SLC2A8: variants seen among roughly 807,000 people sequenced by gnomAD.
SLC2A8 encodes solute carrier family 2 member 8, also known as solute carrier family 2, facilitated glucose transporter member 8.
SLC2A8 carries 53 observed loss-of-function variants against 49.2 expected under a neutral mutation model. The observed-to-expected ratio is 1.08, with a 90% CI of 0.86 to 1.35. The LOEUF is 1.35. Among genes scored for constraint, SLC2A8 ranks in the 40% most tolerant of loss-of-function variants. SLC2A8 has a pLI of 0.00. For synonymous variants in SLC2A8, 299 were observed against 297.0 expected (o/e 1.01, Z -0.07); for missense variants, 688 against 671.7 (o/e 1.02, Z -0.27).
chr9:127,401,061 C>T (rs1156492298), intron 4 of SLC2A8, among the ~76,000 whole-genome samples: 5 of 152,230 alleles, frequency 3.3e-5, no homozygotes, highest in Non-Finnish European at 5.9e-5. Context: ...CGCCACTGCA[C>T]TCCAGTGTGG....
intron 4 of SLC2A8, among the ~76,000 whole-genome samples, chr9:127,402,108 AG>A (rs1833311567): frequency 6.6e-6 from 1 of 152,216 alleles, no homozygotes; most frequent in African/African-American, 2.4e-5. Context: ...TCCAGTGAAA[AG>A]CTTCCTCCGC....
chr9:127,403,719 C>T lies in SLC2A8; in HGVS notation c.783C>T (p.Val261=), dbSNP rs201241657. Residue 261 remains valine, a synonymous_variant, in exon 6 of 10, where the codon GTC becomes GTT. Transcript: ENST00000373371. ...TCTACAAGCCCTTCATCATCGGCGT[C>T]TCCCTGATGGCCTTCCAGCAGCTGT... ...PGIYKPFIIG[V]SLMAFQQLSG... 1 of 1,613,140 alleles carries T rather than the reference C, an allele frequency of 6.2e-7. No homozygotes were observed. Among genetic ancestry groups the T allele is most frequent in the African/African-American group, 1.3e-5 (1 of 75,034 alleles).
At position 127,407,310 on chromosome 9, in the gene SLC2A8, C is replaced by A. The variant is rs1833527611; in HGVS notation, c.*61C>A. ...TCCAAGCTGGGCCCAAGCCCAGAGC[C>A]CCTGCCTGCCCCAGGGGAGCCAGAA... On this transcript the variant is annotated 3_prime_UTR_variant, in exon 10 of 10. Coordinates refer to ENST00000373371, the MANE Select transcript of SLC2A8 (RefSeq NM_014580.5). 6.3e-7 allele frequency: 1 copy of A among 1,598,708 alleles called. No homozygotes were observed. The highest frequency in any genetic ancestry group is 8.6e-7 in the Non-Finnish European group (1 of 1,168,498).
rs1833544015 is a variant in SLC2A8 at position 127,407,879 on chromosome 9, C to CAAAAAAAAAAAA, written c.*634_*635insAAAAAAAAAAAA. ...TTAAAAAATAAACAGCAAAAAAAAA[C>CAAAAAAAAAAAA]AAAACAAAACAAAAAAAAACACCTT... On this transcript the variant is annotated 3_prime_UTR_variant, in exon 10 of 10. Coordinates refer to ENST00000373371, the MANE Select transcript of SLC2A8 (RefSeq NM_014580.5). The CAAAAAAAAAAAA allele has an allele frequency of 1.2e-5, 1 of 85,626 alleles. No individual in the cohort carries two copies. The highest frequency in any genetic ancestry group is 4.8e-5 in the African/African-American group (1 of 21,010). The allele number at this position is 85,626 out of a possible 1,614,324, so 5.3% of individuals were successfully genotyped here. A position where few individuals can be genotyped will look rare whatever the true frequency, so the allele number is the denominator to read the frequency against.
chr9:127,402,505 A>T, intron 4 of SLC2A8, 52 bp from the exon 5 acceptor site: 9 of 1,453,956 alleles, frequency 6.2e-6, no homozygotes, highest in Non-Finnish European at 8.1e-6. Context: ...GGCAAGGCCC[A>T]GGCTGGCTCA....
At chr9:127,405,635 T>C in intron 9 of SLC2A8, 70 bp downstream of exon 9, 3 of 1,583,206 alleles carry the variant, frequency 1.9e-6, no homozygotes, top group Non-Finnish European at 1.7e-6. Flanking sequence ...ACCACTTGTA[T>C]TGCAGAAGAC....
At chr9:127,404,189 C>T (rs558922949) in intron 7 of SLC2A8, 122 bp downstream of exon 7, 2 of 671,070 alleles carry the variant, frequency 3.0e-6, no homozygotes, top group Non-Finnish European at 5.0e-6. Context: ...CTAATGCGGC[C>T]ATGATTTGAC....
chr9:127,402,548 C>G lies in SLC2A8; in HGVS notation c.527-9C>G. On this transcript the variant is annotated splice_polypyrimidine_tract_variant and intron_variant, in intron 4 of 9. Transcript: ENST00000373371. ...TCTGACGCCAGCCTCCTCCACCCAC[C>G]CCCCGCAGGCTGGGTGCTGGAGTGG... 2 of 1,519,822 alleles carry G rather than the reference C, an allele frequency of 1.3e-6. No homozygotes were observed. The highest frequency in any genetic ancestry group is 8.8e-7 in the Non-Finnish European group (1 of 1,134,802). 94.1% of individuals were successfully genotyped at this position (1,519,822 alleles called of 1,614,324 possible). A position where few individuals can be genotyped will look rare whatever the true frequency, so the allele number is the denominator to read the frequency against.
intron 9 of SLC2A8, 150 bp downstream of exon 9, chr9:127,405,715 G>T: frequency 2.7e-6 from 3 of 1,103,928 alleles, no homozygotes; most frequent in Non-Finnish European, 3.9e-6. Context: ...TGGGCAAGGC[G>T]ACGTGGAGGC....
At chr9:127,404,283 C>A in intron 7 of SLC2A8, 2 of 480,918 alleles carry the variant, frequency 4.2e-6, no homozygotes, top group South Asian at 3.1e-5. Context: ...TGTGGTGAAC[C>A]CACCAGAAGG....
chr9:127,406,022 A>G (rs1833479388), intron 9 of SLC2A8: 1 of 520,142 alleles, frequency 1.9e-6, no homozygotes, highest in Non-Finnish European at 3.8e-6. Flanking sequence ...GCATTAATTC[A>G]GTTCATCCTG....
rs766195136 is a variant in SLC2A8 at position 127,399,918 on chromosome 9, C to T, written c.438C>T (p.Ser146=). The T allele has an allele frequency of 5.0e-6, 8 of 1,613,410 alleles. No individual in the cohort carries two copies. The highest frequency in any genetic ancestry group is 2.2e-5 in the East Asian group (1 of 44,860). Residue 146 remains serine, a synonymous_variant, in exon 4 of 10, where the codon TCC becomes TCT. Transcript: ENST00000373371. The surrounding 1 kb of genome is among the most constrained non-coding windows in gnomAD (Gnocchi z 4.2). Reference sequence around the variant, plus strand: ...CTGATTGCTGGCAGGTCTACATCTCCGAAATCGCCTACCCAGCAGTCCGGG... The same window carrying T: ...CTGATTGCTGGCAGGTCTACATCTCTGAAATCGCCTACCCAGCAGTCCGGG... The part of the protein sequence containing the change: ...VASLVAPVYI[S]EIAYPAVRGL...
intron 5 of SLC2A8, 110 bp from the exon 6 acceptor site, chr9:127,403,550 C>A: frequency 7.6e-7 from 1 of 1,310,956 alleles, no homozygotes; most frequent in Non-Finnish European, 1.1e-6. Context: ...GATGAGGAGC[C>A]AAGACGTGGG....
intron 2 of SLC2A8, among the ~76,000 whole-genome samples, 162 bp downstream of exon 2, chr9:127,397,700 A>G (rs961121746): frequency 1.4e-5 from 2 of 142,052 alleles, no homozygotes; most frequent in Non-Finnish European, 3.1e-5. Flanking sequence ...TCTGCCCCCC[A>G]TCCCTTCCCT....
rs200998460 is a variant in SLC2A8, at chr9:127,407,082, G to A, written c.1297-30G>A. 2.9e-3 allele frequency: 4,635 copies of A among 1,610,920 alleles called. 6 individuals carry two copies. Among genetic ancestry groups the A allele is most frequent in the Admixed American group, 3.6e-3 (213 of 59,968 alleles). On this transcript the variant is annotated intron_variant, in intron 9 of 9. Coordinates refer to ENST00000373371, the MANE Select transcript of SLC2A8 (RefSeq NM_014580.5). ...GTGGGGCTTCCTGATCTCTCCCCGC[G>A]TCCACCCATGGCCTTTCCTCTCTCT... is the stretch of plus-strand genomic sequence containing the variant.
In SLC2A8 at chr9:127,397,446, G is replaced by T; in HGVS notation, c.127G>T (p.Ala43Ser). Residue 43 changes from alanine (A) to serine (S), a missense_variant, in exon 2 of 10, where the codon GCG becomes TCG. Ala to Ser is a moderately conservative substitution (Grantham distance 99). Coordinates refer to ENST00000373371, the MANE Select transcript of SLC2A8 (RefSeq NM_014580.5). ...CCTGGGCCCACTCAGCTTCGGCTTC[G>T]CGCTCGGCTACAGCTCCCCGGCCAT... ...AALGPLSFGF[A>S]LGYSSPAIPS... is the part of the protein sequence containing the mutation. The T allele has an allele frequency of 1.3e-6, 2 of 1,486,724 alleles. No homozygotes were observed. The highest frequency in any genetic ancestry group is 2.5e-5 in the South Asian group (2 of 78,952). The allele number at this position is 1,486,724 out of a possible 1,614,324, so 92.1% of individuals were successfully genotyped here. A position where few individuals can be genotyped will look rare whatever the true frequency, so the allele number is the denominator to read the frequency against.
At position 127,407,710 on chromosome 9, in the gene SLC2A8, G is replaced by A; in HGVS notation, c.*461G>A. 3.5e-6 allele frequency: 1 copy of A among 287,038 alleles called. No individual in the cohort carries two copies. The highest frequency in any genetic ancestry group is 7.1e-6 in the Non-Finnish European group (1 of 141,470). 17.8% of individuals were successfully genotyped at this position (287,038 alleles called of 1,614,324 possible). A position where few individuals can be genotyped will look rare whatever the true frequency, so the allele number is the denominator to read the frequency against. On this transcript the variant is annotated 3_prime_UTR_variant, in exon 10 of 10. Transcript: ENST00000373371. The stretch of plus-strand genomic sequence containing the variant: ...CTTTGTGCAAGCTCAGTTTGAAAAG[G>A]GTTTATTCCCATCACTGCCCAGGAC...
chr9:127,404,725 C>T (rs978902219), intron 7 of SLC2A8, 93 bp from the exon 8 acceptor site: 13 of 1,389,816 alleles, frequency 9.4e-6, no homozygotes, highest in East Asian at 7.2e-5. Context: ...CTCTGGGAGC[C>T]GGGCCTGCCC....
chr9:127,407,601 T>C lies in SLC2A8; in HGVS notation c.*352T>C. 5.2e-6 allele frequency: 2 copies of C among 387,580 alleles called. No homozygotes were observed. The highest frequency in any genetic ancestry group is 1.1e-5 in the Non-Finnish European group (2 of 188,422). 24.0% of individuals were successfully genotyped at this position (387,580 alleles called of 1,614,324 possible). A position where few individuals can be genotyped will look rare whatever the true frequency, so the allele number is the denominator to read the frequency against. ...GGTTGGGTGCTGGGCATTCAGTCGCTCCTCTCACGCGGCTGCCTTATCGGG... is the reference window on the plus strand; with the variant it reads ...GGTTGGGTGCTGGGCATTCAGTCGCCCCTCTCACGCGGCTGCCTTATCGGG... On this transcript the variant is annotated 3_prime_UTR_variant, in exon 10 of 10. Transcript: ENST00000373371.
Sources: allele counts gnomAD v4.1 joint callset (sites outside exome capture counted in the v4.1 genomes callset), GRCh38; gene constraint gnomAD v4.1.1; non-coding constraint Gnocchi (gnomAD v3.1); transcripts MANE v1.5; gene names NCBI Gene and HGNC (gene_info 2026-07-23, HGNC 2026-07-21).